Variants in AGBL4 observed in about 807,000 individuals in gnomAD.
AGBL4 encodes the protein cytosolic carboxypeptidase 6.
A neutral mutation model predicts 66.4 loss-of-function variants in AGBL4; 58 were observed. The observed-to-expected ratio is 0.87, with a 90% CI of 0.71 to 1.09. AGBL4 has a LOEUF of 1.09. Among genes scored for constraint, AGBL4 ranks in the 50% least tolerant of loss-of-function variants. The pLI is 0.00. For synonymous variants in AGBL4, 234 were observed against 222.9 expected (o/e 1.05, Z -0.44); for missense variants, 579 against 631.0 (o/e 0.92, Z 0.88).
chr1:48,606,625 G>A (rs1180878071), intron 9 of AGBL4, among the ~76,000 whole-genome samples: 4 of 152,144 alleles, frequency 2.6e-5, no homozygotes. Flanking sequence ...GATCTCCAAA[G>A]GGATTCCAGA....
chr1:48,966,389 A>C (rs566818293), intron 5 of AGBL4, among the ~76,000 whole-genome samples: 1 of 152,278 alleles, frequency 6.6e-6, no homozygotes, highest in Admixed American at 6.5e-5. Context: ...AGTCATCCTC[A>C]AAATCACTTT....
intron 3 of AGBL4, among the ~76,000 whole-genome samples, chr1:49,692,851 A>G (rs1558167102): frequency 6.6e-6 from 1 of 152,182 alleles, no homozygotes; most frequent in African/African-American, 2.4e-5. Flanking sequence ...AAGAAATACT[A>G]TATTGTTAAA....
At chr1:48,802,756 GC>G (rs1645838287) in intron 6 of AGBL4, among the ~76,000 whole-genome samples, 1 of 152,060 alleles carries the variant, frequency 6.6e-6, no homozygotes, top group East Asian at 1.9e-4. Context: ...CCTGCCTCTG[GC>G]ACCACCCTCC....
At chr1:48,810,480 T>C (rs1284876762) in intron 6 of AGBL4, among the ~76,000 whole-genome samples, 1 of 152,056 alleles carries the variant, frequency 6.6e-6, no homozygotes, top group African/African-American at 2.4e-5. Context: ...TCATCTTGGG[T>C]TTCAATCCCA....
intron 3 of AGBL4, among the ~76,000 whole-genome samples, chr1:49,270,433 CAG>C (rs776878025): frequency 2.4e-4 from 36 of 151,534 alleles, no homozygotes; most frequent in Non-Finnish European, 4.3e-4. Flanking sequence ...GTTAAGCTCT[CAG>C]GGGGATATTT....
At chr1:48,963,365 C>T (rs1658158865) in intron 5 of AGBL4, among the ~76,000 whole-genome samples, 2 of 152,120 alleles carry the variant, frequency 1.3e-5, no homozygotes, top group Non-Finnish European at 2.9e-5. Flanking sequence ...GATATTCAAA[C>T]TATAGCACTC....
chr1:48,670,696 T>C (rs1646262884), intron 6 of AGBL4, among the ~76,000 whole-genome samples: 1 of 152,172 alleles, frequency 6.6e-6, no homozygotes, highest in African/African-American at 2.4e-5. Flanking sequence ...AATGGCAGGA[T>C]AGATAAATAG....
intron 2 of AGBL4, among the ~76,000 whole-genome samples, chr1:49,739,211 G>C (rs1249723830): frequency 6.6e-6 from 1 of 152,208 alleles, no homozygotes; most frequent in Non-Finnish European, 1.5e-5. Flanking sequence ...AGTCCTTAAA[G>C]GACCTGATGG....
chr1:48,688,480 T>C lies in AGBL4; in HGVS notation c.635-25239A>G, dbSNP rs529472550. ...AAGGCTTAACTCTTGTTCCATTTCA[T>C]GCACCCATTTATTCAACAAAGACAT... is the stretch of plus-strand genomic sequence containing the variant. On this transcript the variant is annotated intron_variant, in intron 6 of 13. Coordinates refer to ENST00000371839, the MANE Select transcript of AGBL4 (RefSeq NM_032785.4). Among the ~76,000 whole-genome samples the C allele has an allele frequency of 1.1e-3, 165 of 152,362 alleles. 1 individual carries two copies. The highest frequency in any genetic ancestry group is 3.9e-3 in the African/African-American group (163 of 41,576).
intron 6 of AGBL4, among the ~76,000 whole-genome samples, chr1:48,768,474 AT>A (rs1437765161): frequency 6.6e-6 from 1 of 152,236 alleles, no homozygotes; most frequent in Non-Finnish European, 1.5e-5. Context: ...TAAACATTCC[AT>A]TAAACTTACT....
intron 5 of AGBL4, among the ~76,000 whole-genome samples, chr1:49,000,493 T>C (rs1162047698): frequency 2.0e-5 from 3 of 152,214 alleles, no homozygotes; most frequent in Non-Finnish European, 4.4e-5. Context: ...GGCTTTGGAT[T>C]TGATTAATAC....
chr1:49,308,425 T>C (rs1208162675), intron 3 of AGBL4, among the ~76,000 whole-genome samples: 1 of 152,080 alleles, frequency 6.6e-6, no homozygotes, highest in Non-Finnish European at 1.5e-5. Context: ...CAGAGAGTTC[T>C]GGGAAGAGGC....
intron 5 of AGBL4, among the ~76,000 whole-genome samples, chr1:48,894,246 A>C (rs1651286491): frequency 6.6e-6 from 1 of 152,224 alleles, no homozygotes; most frequent in Non-Finnish European, 1.5e-5. Flanking sequence ...ACTGAAATTT[A>C]CTTTATGTCA....
chr1:49,758,448 C>T (rs1030088875), intron 2 of AGBL4, among the ~76,000 whole-genome samples: 4 of 152,060 alleles, frequency 2.6e-5, no homozygotes, highest in African/African-American at 9.7e-5. Flanking sequence ...ATACCGTATG[C>T]TTGGAAAACC....
At chr1:48,881,123 T>A (rs1210869589) in intron 5 of AGBL4, among the ~76,000 whole-genome samples, 2 of 152,114 alleles carry the variant, frequency 1.3e-5, no homozygotes, top group Admixed American at 1.3e-4. Context: ...GGTCTAAAAG[T>A]GTGTACCTTT....
intron 5 of AGBL4, among the ~76,000 whole-genome samples, chr1:48,923,878 A>G (rs1654302436): frequency 6.6e-6 from 1 of 152,058 alleles, no homozygotes; most frequent in South Asian, 2.1e-4. Flanking sequence ...TTTATGAAGG[A>G]CCTATTGTCT....
intron 3 of AGBL4, among the ~76,000 whole-genome samples, chr1:49,283,275 C>T (rs540830234): frequency 6.6e-5 from 10 of 152,170 alleles, no homozygotes; most frequent in African/African-American, 1.9e-4. Flanking sequence ...ACACCTCACA[C>T]GGCAGGGTAT....
chr1:49,936,832 G>C (rs1654102647), intron 1 of AGBL4, among the ~76,000 whole-genome samples: 1 of 152,084 alleles, frequency 6.6e-6, no homozygotes, highest in African/African-American at 2.4e-5. Flanking sequence ...AAGAGCTCCT[G>C]AAGGAAGCAC....
intron 7 of AGBL4, among the ~76,000 whole-genome samples, chr1:48,653,989 A>G (rs1282860579): frequency 6.6e-5 from 10 of 152,146 alleles, no homozygotes. Context: ...GGTTTCTTTC[A>G]TGTACTCCAA....
Sources: allele counts gnomAD v4.1 joint callset (sites outside exome capture counted in the v4.1 genomes callset), GRCh38; gene constraint gnomAD v4.1.1; transcripts MANE v1.5; gene names NCBI Gene and HGNC (gene_info 2026-07-23, HGNC 2026-07-21).